INO80D: variants seen among roughly 807,000 people sequenced by gnomAD.
INO80D encodes INO80 complex subunit D.
INO80D carries 21 observed loss-of-function variants against 87.6 expected under a neutral mutation model. The ratio of observed to expected loss-of-function variants is 0.24; its 90% confidence interval spans 0.17 to 0.35. INO80D has a LOEUF of 0.35. INO80D is among the 10% of genes least tolerant of loss of function. The probability of loss-of-function intolerance (pLI) is 1.00; values close to 1 mark genes in which losing one functional copy is unlikely to be tolerated. For synonymous variants in INO80D, 440 were observed against 491.0 expected (o/e 0.90, Z 1.37); for missense variants, 982 against 1,280.7 (o/e 0.77, Z 3.56).
Position 206,004,449 on chromosome 2 carries a change from G to T in INO80D, c.3003C>A (p.Ala1001=), listed in dbSNP as rs1332299917. The change falls in exon 11 of 11, where the codon GCC becomes GCA. Residue 1001 remains alanine (A), a synonymous_variant. Coordinates refer to ENST00000403263, the MANE Select transcript of INO80D (RefSeq NM_017759.5). The surrounding 1 kb of genome is among the most constrained non-coding windows in gnomAD (Gnocchi z 4.9). ...CTGTTACTGTGAAGCCTGTAGGAGG[G>T]GCTATAGAGCTGTGGCTGGGCTGCA... ...KDLQPSHSSI[A]PPTGFTVTGA... 6.2e-7 allele frequency: 1 copy of T among 1,606,300 alleles called. No homozygotes were observed. Among genetic ancestry groups the T allele is most frequent in the Admixed American group, 1.7e-5 (1 of 58,698 alleles).
chr2:206,050,496 GAAAAAAAAAAAAAAAAAA>G (rs3079265), intron 4 of INO80D, among the ~76,000 whole-genome samples: 3 of 99,544 alleles, frequency 3.0e-5, no homozygotes, highest in East Asian at 3.6e-4. Context: ...CGTCTCAAAA[GAAAAAAAAAAAAAAAAAA>G]AAAAAAAAAA....
chr2:206,048,421 C>G (rs555394601), intron 4 of INO80D, among the ~76,000 whole-genome samples: 2 of 151,954 alleles, frequency 1.3e-5, no homozygotes, highest in African/African-American at 4.8e-5. Context: ...TTTGTAGAGA[C>G]CGGGTTTTGC....
intron 1 of INO80D, among the ~76,000 whole-genome samples, chr2:206,079,503 G>A (rs1188551690): frequency 1.3e-5 from 2 of 152,192 alleles, no homozygotes; most frequent in African/African-American, 4.8e-5. Context: ...CTGTGAGGAT[G>A]AGTCCCACAT....
At chr2:206,026,550 A>C (rs906039091) in intron 6 of INO80D, among the ~76,000 whole-genome samples, 1 of 151,784 alleles carries the variant, frequency 6.6e-6, no homozygotes, top group Non-Finnish European at 1.5e-5. Context: ...CGTCTCAAAA[A>C]AAAATTAAAA....
In INO80D at chr2:206,085,467, G is replaced by A. The variant is rs1690428476; in HGVS notation, c.-124+434C>T. 2 of 151,524 alleles carry A rather than the reference G, an allele frequency of 1.3e-5. No homozygotes were observed. Among genetic ancestry groups the A allele is most frequent in the Non-Finnish European group, 2.9e-5 (2 of 67,824 alleles). The allele number at this position is 151,524 out of a possible 1,614,324, so 9.4% of individuals were successfully genotyped here. ...AGCCTCCGGGCCGGCGCGGGATTCG[G>A]CCCAGCAGCGCCGCCGTCCCACCCG... On this transcript the variant is annotated intron_variant, in intron 1 of 10. Transcript: ENST00000403263. The surrounding 1 kb of genome is among the most constrained non-coding windows in gnomAD (Gnocchi z 4.5).
At chr2:206,035,231 G>GA (rs1356171744) in intron 5 of INO80D, among the ~76,000 whole-genome samples, 8 of 151,912 alleles carry the variant, frequency 5.3e-5, no homozygotes, top group Non-Finnish European at 1.0e-4. Context: ...CACAAAATTA[G>GA]AAAAAACAAT....
chr2:206,007,568 TC>T, intron 9 of INO80D, 127 bp from the exon 10 acceptor site: 1 of 1,086,064 alleles, frequency 9.2e-7, no homozygotes, highest in Non-Finnish European at 1.3e-6. Context: ...ACACCTGTAA[TC>T]CCAGCACTTT....
At chr2:206,007,130 G>C (rs899345112) in intron 10 of INO80D, among the ~76,000 whole-genome samples, 154 bp downstream of exon 10, 8 of 152,156 alleles carry the variant, frequency 5.3e-5, no homozygotes, top group African/African-American at 1.9e-4. Context: ...CTTCTGAAAG[G>C]GTTAAAATAG....
At chr2:206,076,933 G>C (rs1050775893) in intron 1 of INO80D, among the ~76,000 whole-genome samples, 1 of 152,114 alleles carries the variant, frequency 6.6e-6, no homozygotes, top group Non-Finnish European at 1.5e-5. Flanking sequence ...ATTAAATTAG[G>C]TATTTCATGA....
chr2:206,050,095 G>A (rs188272798), intron 4 of INO80D, among the ~76,000 whole-genome samples: 1,534 of 150,976 alleles, frequency 0.01, 24 homozygotes, highest in African/African-American at 0.035. Context: ...ATCACACCAC[G>A]GCACTCCAGC....
In INO80D at chr2:206,019,838, G is replaced by C. The variant is rs372589511; in HGVS notation, c.1306C>G (p.Arg436Gly). 33 of 1,613,072 alleles carry C rather than the reference G, an allele frequency of 2.0e-5. No homozygotes were observed. The African/African-American group carries it at 4.1e-4, about 20-fold the overall frequency. ...GGTTCCACCTCCCTCAGCTTGGTCC[G>C]GCTTATGCTAAGGAAAGAAAAACAG... is the stretch of plus-strand genomic sequence containing the variant. ...RAACSRTSIS[R>G]TKLREVEPAA... The change falls in exon 7 of 11, where the codon CGG becomes GGG. Residue 436 changes from arginine to glycine, a missense_variant. Transcript: ENST00000403263.
chr2:206,006,113 C>T (rs368498018), intron 10 of INO80D, among the ~76,000 whole-genome samples: 5 of 152,158 alleles, frequency 3.3e-5, no homozygotes, highest in East Asian at 3.8e-4. Context: ...TCCCCTCATC[C>T]TCTTCCCATT....
chr2:206,010,665 A>C (rs1010619504), intron 8 of INO80D, among the ~76,000 whole-genome samples: 1 of 152,228 alleles, frequency 6.6e-6, no homozygotes, highest in African/African-American at 2.4e-5. Flanking sequence ...AACAAGAAAG[A>C]ATAAAATTAA....
At chr2:206,039,682 T>C (rs1427379194) in intron 5 of INO80D, among the ~76,000 whole-genome samples, 2 of 150,910 alleles carry the variant, frequency 1.3e-5, no homozygotes, top group East Asian at 4.0e-4. Flanking sequence ...TGGTGGCGCA[T>C]GCCTGTAATC....
intron 5 of INO80D, among the ~76,000 whole-genome samples, chr2:206,039,869 T>C (rs568417500): frequency 1.3e-5 from 2 of 151,468 alleles, no homozygotes; most frequent in South Asian, 4.2e-4. Context: ...AATGTTATTT[T>C]TAAAAACTGT....
chr2:206,079,981 T>G (rs901360126), intron 1 of INO80D, among the ~76,000 whole-genome samples: 15 of 152,214 alleles, frequency 9.9e-5, no homozygotes, highest in African/African-American at 3.6e-4. Context: ...AAACTTCCCC[T>G]GCAAAGCCCT....
intron 5 of INO80D, among the ~76,000 whole-genome samples, chr2:206,038,087 G>A (rs1006901705): frequency 1.3e-5 from 2 of 152,152 alleles, no homozygotes; most frequent in African/African-American, 4.8e-5. Context: ...GAAGGGTGAC[G>A]GGGTGGAAGA....
rs544003872 is a variant in INO80D at position 205,997,458 on chromosome 2, A to G, written c.*6910T>C. ...AAGCAGCCCCTTCCAAAAATTGTTT[A>G]TGAAAGGCCTATACTTTTTCTTAAC... On this transcript the variant is annotated 3_prime_UTR_variant, in exon 11 of 11. Coordinates refer to ENST00000403263, the MANE Select transcript of INO80D (RefSeq NM_017759.5). 6.6e-6 allele frequency: 1 copy of G among 152,182 alleles called. No individual in the cohort carries two copies. The highest frequency in any genetic ancestry group is 1.5e-5 in the Non-Finnish European group (1 of 67,986). 9.4% of individuals were successfully genotyped at this position (152,182 alleles called of 1,614,324 possible).
chr2:206,081,180 T>C (rs561903236), intron 1 of INO80D, among the ~76,000 whole-genome samples: 2 of 152,330 alleles, frequency 1.3e-5, no homozygotes, highest in South Asian at 2.1e-4. Flanking sequence ...AAGGCCTATT[T>C]GCTCCAGAGC....
Sources: allele counts gnomAD v4.1 joint callset (sites outside exome capture counted in the v4.1 genomes callset), GRCh38; gene constraint gnomAD v4.1.1; non-coding constraint Gnocchi (gnomAD v3.1); transcripts MANE v1.5; gene names NCBI Gene and HGNC (gene_info 2026-07-23, HGNC 2026-07-21).